PCDH15: variants seen among roughly 807,000 people sequenced by gnomAD.
The protein encoded by PCDH15 is protocadherin-15.
In PCDH15, 129 loss-of-function variants were observed where a neutral mutation model predicts 178.5. That is an observed-to-expected ratio of 0.72 (90% confidence interval 0.63 to 0.84). PCDH15 has a LOEUF of 0.84. Ranked by LOEUF, PCDH15 falls within the 40% of genes least tolerant of loss-of-function variation. PCDH15 has a pLI of 0.00. For missense variants in PCDH15, 2,230 were observed against 2,099.9 expected, an observed-to-expected ratio of 1.06 and a Z score of -1.21; for synonymous variants, 800 against 732.0, an observed-to-expected ratio of 1.09 and a Z score of -1.50.
intron 2 of PCDH15, among the ~76,000 whole-genome samples, chr10:54,966,613 CTTG>C (rs1838797689): frequency 6.6e-6 from 1 of 152,092 alleles, no homozygotes; most frequent in Non-Finnish European, 1.5e-5. Flanking sequence ...ATAATTCCCA[CTTG>C]TTGTGGGAGA....
rs139982043 is a variant in PCDH15 at position 54,413,184 on chromosome 10, C to G, written c.158-34242G>C. Among the ~76,000 whole-genome samples, 17 of 152,138 alleles carry G rather than the reference C, an allele frequency of 1.1e-4. No individual in the cohort carries two copies. The East Asian group carries it at 2.9e-3, about 26-fold the overall frequency. On this transcript the variant is annotated intron_variant, in intron 3 of 37. Transcript: ENST00000644397. ...TATACAATATAGCATCTCTCTCTCT[C>G]TCAACGAATAGCAAAATTTTTTAAT...
chr10:55,519,374 C>T (rs1167763819), intron 2 of PCDH15, among the ~76,000 whole-genome samples: 1 of 149,428 alleles, frequency 6.7e-6, no homozygotes, highest in Non-Finnish European at 1.5e-5. Context: ...AAATGGAGAA[C>T]AAATTCGAGG....
At chr10:55,335,493 C>T (rs1900472) in intron 2 of PCDH15, among the ~76,000 whole-genome samples, 81,081 of 152,074 alleles carry the variant, frequency 0.53, 21,975 homozygotes, top group African/African-American at 0.59. Flanking sequence ...ACTTTCCCTT[C>T]CCTTGGTGAT....
intron 20 of PCDH15, among the ~76,000 whole-genome samples, chr10:54,006,045 C>T (rs2135087185): frequency 6.6e-6 from 1 of 152,222 alleles, no homozygotes; most frequent in Admixed American, 6.5e-5. Flanking sequence ...ATGAGAGAGG[C>T]ACTTTCTGGT....
rs149486133 is a variant in PCDH15 at position 55,336,466 on chromosome 10, C to A, written c.-155-169815G>T. ...TGAGCCAAGGTCACACCACTGCACT[C>A]CAGCCTGGCAACAGAGCTAGACTCT... On this transcript the variant is annotated intron_variant, in intron 2 of 5. Coordinates refer to the PCDH15 transcript ENST00000613346. 5.0e-3 allele frequency among the ~76,000 whole-genome samples: 756 copies of A among 152,158 alleles called. 3 individuals carry two copies. Among genetic ancestry groups the A allele is most frequent in the Non-Finnish European group, 7.8e-3 (533 of 67,996 alleles).
chr10:54,853,318 T>TATATATATATATATATATATATAC, intron 3 of PCDH15, among the ~76,000 whole-genome samples: 1 of 102,036 alleles, frequency 9.8e-6, no homozygotes, highest in Non-Finnish European at 1.8e-5. Flanking sequence ...TATATATATA[T>TATATATATATATATATATATATAC]ACATACACAC....
chr10:54,522,700 T>C lies in PCDH15; in HGVS notation c.157+5112A>G, dbSNP rs2083000865. 2.0e-5 allele frequency among the ~76,000 whole-genome samples: 3 copies of C among 152,266 alleles called. No individual in the cohort carries two copies. In the South Asian group the frequency reaches 6.2e-4, roughly 32 times the overall value. On this transcript the variant is annotated intron_variant, in intron 3 of 37. Coordinates refer to ENST00000644397, the MANE Select transcript of PCDH15 (RefSeq NM_001384140.1). ...TACCAGAACAGATTCTCACACAATA[T>C]AGAGTGTCAATAATCATACCTTGAA...
intron 15 of PCDH15, among the ~76,000 whole-genome samples, chr10:54,113,658 A>G (rs1422447141): frequency 6.6e-6 from 1 of 150,472 alleles, no homozygotes; most frequent in African/African-American, 2.5e-5. Context: ...ACACACACAC[A>G]CGCACATCTT....
intron 2 of PCDH15, among the ~76,000 whole-genome samples, chr10:55,528,878 TCC>T (rs1272694263): frequency 3.3e-5 from 5 of 152,236 alleles, no homozygotes; most frequent in African/African-American, 1.2e-4. Context: ...CCACATCCTC[TCC>T]AGCATCTGTT....
intron 3 of PCDH15, among the ~76,000 whole-genome samples, chr10:54,442,784 T>G (rs2075910179): frequency 6.6e-6 from 1 of 151,462 alleles, no homozygotes; most frequent in African/African-American, 2.4e-5. Context: ...GTAACTGTAG[T>G]GGGTAGTAAA....
chr10:55,196,192 G>A (rs1009156281), intron 1 of PCDH15, among the ~76,000 whole-genome samples: 3 of 151,832 alleles, frequency 2.0e-5, no homozygotes, highest in East Asian at 1.9e-4. Flanking sequence ...TGCCTATTAC[G>A]ACCTCCTACA....
In PCDH15 at chr10:54,733,971, G is replaced by A. The variant is rs1464363746; in HGVS notation, c.-29+66954C>T. Among the ~76,000 whole-genome samples, 19 of 148,732 alleles carry A rather than the reference G, an allele frequency of 1.3e-4. No homozygotes were observed. The South Asian group carries it at 2.3e-3, about 18-fold the overall frequency. On this transcript the variant is annotated intron_variant, in intron 1 of 37. Coordinates refer to ENST00000644397, the MANE Select transcript of PCDH15 (RefSeq NM_001384140.1). ...AAAGGATATAGATATAATATAGAAT[G>A]TAAAATGTTAAAACTTTACAAAAAA...
At chr10:55,265,349 T>TG in intron 1 of PCDH15, among the ~76,000 whole-genome samples, 1 of 150,258 alleles carries the variant, frequency 6.7e-6, no homozygotes, top group South Asian at 2.1e-4. Flanking sequence ...TATATCTCTA[T>TG]AATAGATATA....
At chr10:55,618,514 A>G (rs117353601) in intron 2 of PCDH15, among the ~76,000 whole-genome samples, 3,663 of 152,128 alleles carry the variant, frequency 0.024, 60 homozygotes, top group Non-Finnish European at 0.039. Context: ...ACATCAAACT[A>G]CCAAGAAGTC....
chr10:54,394,557 G>T (rs1950962590), intron 3 of PCDH15, among the ~76,000 whole-genome samples: 2 of 152,144 alleles, frequency 1.3e-5, no homozygotes, highest in Non-Finnish European at 2.9e-5. Flanking sequence ...ATATCACAAG[G>T]CAAGTGGAGG....
chr10:54,510,333 T>C (rs923356079), intron 3 of PCDH15, among the ~76,000 whole-genome samples: 8 of 152,126 alleles, frequency 5.3e-5, no homozygotes, highest in Non-Finnish European at 1.2e-4. Context: ...GAAAAGTTAA[T>C]AGTTTGGCTG....
At position 53,987,135 on chromosome 10, in the gene PCDH15, T is replaced by C. The variant is rs1293812589; in HGVS notation, c.2868+8514A>G. Among the ~76,000 whole-genome samples the C allele has an allele frequency of 2.6e-5, 4 of 152,156 alleles. No individual in the cohort carries two copies. The East Asian group carries it at 7.7e-4, about 29-fold the overall frequency. ...CTAGTAAAAAACTTTAATATAAAAA[T>C]GGAGATTTTTTTAAGCAGATAAAGC... is the stretch of plus-strand genomic sequence containing the variant. On this transcript the variant is annotated intron_variant, in intron 21 of 37. Coordinates refer to ENST00000644397, the MANE Select transcript of PCDH15 (RefSeq NM_001384140.1).
At chr10:55,142,964 G>A (rs1838395130) in intron 2 of PCDH15, among the ~76,000 whole-genome samples, 1 of 152,212 alleles carries the variant, frequency 6.6e-6, no homozygotes, top group South Asian at 2.1e-4. Context: ...ACAGAGGAGA[G>A]GCCTGGTGGG....
intron 2 of PCDH15, among the ~76,000 whole-genome samples, chr10:55,495,131 AG>A (rs1840502905): frequency 6.6e-6 from 1 of 151,770 alleles, no homozygotes; most frequent in Non-Finnish European, 1.5e-5. Context: ...AATATGTATG[AG>A]TTAAAACCAC....
Sources: gnomAD v4.1 joint callset for allele counts (sites outside exome capture counted in the v4.1 genomes callset) on GRCh38, gnomAD v4.1.1 for gene constraint, MANE v1.5 for transcripts, NCBI Gene and HGNC (gene_info 2026-07-23, HGNC 2026-07-21) for gene names.